CRADD: variants seen among roughly 807,000 people sequenced by gnomAD.
CRADD encodes CARD and death domain containing adaptor protein.
CRADD carries 9 observed loss-of-function variants against 15.5 expected under a neutral mutation model. The observed-to-expected ratio is 0.58, with a 90% CI of 0.35 to 1.01. The LOEUF (loss-of-function observed/expected upper bound fraction) is 1.01, where lower values mean the gene tolerates loss of function less well. Ranked by LOEUF, CRADD falls within the 50% of genes least tolerant of loss-of-function variation. The pLI is 0.02. For synonymous variants in CRADD, 118 were observed against 107.6 expected, an observed-to-expected ratio of 1.10 and a Z score of -0.60; for missense variants, 227 against 250.3, an observed-to-expected ratio of 0.91 and a Z score of 0.63.
At chr12:93,841,211 T>A (rs1271736899) in intron 2 of CRADD, among the ~76,000 whole-genome samples, 2 of 152,208 alleles carry the variant, frequency 1.3e-5, no homozygotes, top group Non-Finnish European at 2.9e-5. Context: ...ACTTTCAATT[T>A]TTTGATTCAA....
chr12:93,727,597 G>T (rs1956391161), intron 2 of CRADD, among the ~76,000 whole-genome samples: 1 of 152,178 alleles, frequency 6.6e-6, no homozygotes, highest in Non-Finnish European at 1.5e-5. Flanking sequence ...GTTAGCAACT[G>T]AAGCTGTAGT....
chr12:93,855,533 G>A (rs1011684179), downstream of CRADD, among the ~76,000 whole-genome samples: 2 of 152,182 alleles, frequency 1.3e-5, no homozygotes, highest in Non-Finnish European at 2.9e-5. Flanking sequence ...CCTGAGTATC[G>A]AGTCTATGGG....
intron 2 of CRADD, among the ~76,000 whole-genome samples, chr12:93,695,491 A>G (rs1252755121): frequency 1.3e-5 from 2 of 152,214 alleles, no homozygotes; most frequent in Non-Finnish European, 2.9e-5. Context: ...GAAACAACAG[A>G]GTAAAGAAGT....
At chr12:93,837,844 A>G (rs1328378017) in intron 2 of CRADD, 1 of 152,238 alleles carries the variant, frequency 6.6e-6, no homozygotes, top group African/African-American at 2.4e-5. Context: ...ACTTATCCCA[A>G]GCTATACGGC....
At chr12:93,889,396 T>C (rs947566211) in intron 2 of CRADD, among the ~76,000 whole-genome samples, 1 of 152,136 alleles carries the variant, frequency 6.6e-6, no homozygotes, top group Non-Finnish European at 1.5e-5. Flanking sequence ...GTAATTCCTC[T>C]GAGGTCACCC....
In CRADD at chr12:93,822,963, A is replaced by T. The variant is rs928459936; in HGVS notation, c.299-27007A>T. ...TCCTTACAACAGCAGACTAATGAAC[A>T]TGATGATTTATGCAAACAAAATATA... On this transcript the variant is annotated intron_variant, in intron 2 of 2. Transcript: ENST00000332896. Among the ~76,000 whole-genome samples the T allele has an allele frequency of 2.0e-5, 3 of 152,362 alleles. No homozygotes were observed. In the South Asian group the frequency reaches 6.2e-4, roughly 32 times the overall value.
chr12:93,859,271 C>A (rs1241709089), intron 2 of CRADD: 2 of 452,664 alleles, frequency 4.4e-6, no homozygotes, highest in Non-Finnish European at 8.9e-6. Context: ...AAGCTATAAT[C>A]AAATACATTT....
intron 2 of CRADD, among the ~76,000 whole-genome samples, chr12:93,700,893 C>T (rs1339756160): frequency 6.6e-6 from 1 of 152,136 alleles, no homozygotes; most frequent in African/African-American, 2.4e-5. Flanking sequence ...AGGAAGCCTT[C>T]CCATACCTTC....
chr12:93,858,631 C>T (rs1200065212), intron 2 of CRADD, among the ~76,000 whole-genome samples: 1 of 152,206 alleles, frequency 6.6e-6, no homozygotes. Flanking sequence ...TCTCTCACCC[C>T]TCATTCTCCC....
intron 2 of CRADD, among the ~76,000 whole-genome samples, chr12:93,873,770 C>T (rs947454952): frequency 3.9e-5 from 6 of 152,060 alleles, no homozygotes; most frequent in Non-Finnish European, 7.4e-5. Context: ...CCCATTTGAT[C>T]GTGATGAATG....
chr12:93,812,710 CT>C (rs1957643275), intron 2 of CRADD, among the ~76,000 whole-genome samples: 1 of 152,286 alleles, frequency 6.6e-6, no homozygotes, highest in East Asian at 1.9e-4. Flanking sequence ...ATTTTCTCCC[CT>C]GTGGCCTATC....
chr12:93,840,456 C>T (rs1056074498), intron 2 of CRADD, among the ~76,000 whole-genome samples: 1 of 152,124 alleles, frequency 6.6e-6, no homozygotes, highest in East Asian at 1.9e-4. Flanking sequence ...AATAGATTAT[C>T]TGCTAATCCT....
rs985334638 is a variant in CRADD, at chr12:93,867,403, A to ATATATATATTTTTTTT, written c.299-26646_299-26645insATATATATTTTTTTTT. Reference sequence around the variant, plus strand: ...TTGTATTTGACATATATATATATATATTTTTTAAACTTGGAAGTCCAAGAT... The same window carrying ATATATATATTTTTTTT: ...TTGTATTTGACATATATATATATATATATATATATTTTTTTTTTTTTTAAACTTGGAAGTCCAAGAT... On this transcript the variant is annotated intron_variant, in intron 2 of 2. Coordinates refer to the CRADD transcript ENST00000548483. 9.1e-5 allele frequency among the ~76,000 whole-genome samples: 13 copies of ATATATATATTTTTTTT among 143,424 alleles called. No individual in the cohort carries two copies. In the East Asian group the frequency reaches 2.5e-3, roughly 28 times the overall value. 94.1% of individuals were successfully genotyped at this position (143,424 alleles called of 152,430 possible).
intron 2 of CRADD, among the ~76,000 whole-genome samples, chr12:93,791,885 G>A (rs77187090): frequency 0.025 from 3,389 of 137,742 alleles, 50 homozygotes; most frequent in Non-Finnish European, 0.037. Context: ...CATGCAAATA[G>A]TCCTAATGGA....
chr12:93,685,275 G>A (rs1221784240), intron 2 of CRADD, among the ~76,000 whole-genome samples: 1 of 152,164 alleles, frequency 6.6e-6, no homozygotes, highest in African/African-American at 2.4e-5. Flanking sequence ...ATTAGGGACT[G>A]GGAAGGGTAT....
intron 2 of CRADD, among the ~76,000 whole-genome samples, chr12:93,681,064 A>G (rs1158776774): frequency 6.6e-6 from 1 of 151,460 alleles, no homozygotes; most frequent in Non-Finnish European, 1.5e-5. Flanking sequence ...TTGTATTTTT[A>G]GTAGAGATGG....
chr12:93,869,842 A>G (rs1007549749), intron 2 of CRADD, among the ~76,000 whole-genome samples: 5 of 152,184 alleles, frequency 3.3e-5, no homozygotes, highest in African/African-American at 1.2e-4. Context: ...GTTATTCAGG[A>G]GAAAAGAGAA....
intron 2 of CRADD, among the ~76,000 whole-genome samples, chr12:93,879,875 T>C (rs557863611): frequency 1.3e-5 from 2 of 152,286 alleles, no homozygotes; most frequent in South Asian, 4.1e-4. Context: ...CGTCCTACAA[T>C]ACACTTCTAC....
chr12:93,865,139 A>C (rs1489721257), intron 2 of CRADD, among the ~76,000 whole-genome samples: 1 of 152,146 alleles, frequency 6.6e-6, no homozygotes, highest in Non-Finnish European at 1.5e-5. Context: ...GCTAAAGTAA[A>C]ACATCCCAAG....
Sources: allele counts gnomAD v4.1 joint callset (sites outside exome capture counted in the v4.1 genomes callset), GRCh38; gene constraint gnomAD v4.1.1; transcripts MANE v1.5; gene names NCBI Gene and HGNC (gene_info 2026-07-23, HGNC 2026-07-21).